The following RAB18 variants were observed in gnomAD, a reference collection of about 807,000 sequenced individuals.
RAB18 encodes ras-related protein Rab-18.
A neutral mutation model predicts 28.5 loss-of-function variants in RAB18; 10 were observed. The ratio of observed to expected loss-of-function variants is 0.35; its 90% CI spans 0.22 to 0.60. The LOEUF is 0.60. Ranked by LOEUF, RAB18 falls within the 20% of genes least tolerant of loss-of-function variation. RAB18 has a pLI of 0.78. For synonymous variants in RAB18, 93 were observed against 86.9 expected (o/e 1.07, Z -0.39); for missense variants, 188 against 244.2 (o/e 0.77, Z 1.53).
chr10:27,511,119 G>A (rs1487441039), intron 2 of RAB18, among the ~76,000 whole-genome samples: 1 of 152,124 alleles, frequency 6.6e-6, no homozygotes, highest in Non-Finnish European at 1.5e-5. Context: ...GTCCCATATA[G>A]CAAAAGACAA....
chr10:27,509,207 G>A (rs1250121384), intron 1 of RAB18, among the ~76,000 whole-genome samples: 2 of 151,912 alleles, frequency 1.3e-5, no homozygotes, highest in African/African-American at 2.4e-5. Context: ...TTTTTTGTTA[G>A]TATTAACTTT....
chr10:27,530,203 A>G (rs994902464), intron 3 of RAB18, among the ~76,000 whole-genome samples: 3 of 152,028 alleles, frequency 2.0e-5, no homozygotes, highest in African/African-American at 7.2e-5. Context: ...CCTGTTATCA[A>G]AAAGTCTTGG....
chr10:27,515,520 G>C (rs1173953874), intron 2 of RAB18, among the ~76,000 whole-genome samples: 1 of 152,116 alleles, frequency 6.6e-6, no homozygotes, highest in Non-Finnish European at 1.5e-5. Context: ...ACTACAGTTA[G>C]ACAAATTGTG....
At chr10:27,523,344 G>T (rs1589575830) in intron 2 of RAB18, among the ~76,000 whole-genome samples, 1 of 81,746 alleles carries the variant, frequency 1.2e-5, no homozygotes, top group Non-Finnish European at 2.3e-5. Context: ...CATCAAATTT[G>T]AAATTTTTCA....
chr10:27,526,554 T>C (rs1422566891), intron 2 of RAB18, among the ~76,000 whole-genome samples: 2 of 152,234 alleles, frequency 1.3e-5, no homozygotes, highest in Admixed American at 6.5e-5. Context: ...TAGTGAGTTA[T>C]CACCTTAAAT....
chr10:27,541,138 T>C lies in RAB18; in HGVS notation c.*3087T>C, dbSNP rs1835017753. On this transcript the variant is annotated 3_prime_UTR_variant, in exon 7 of 7. Coordinates refer to ENST00000356940, the MANE Select transcript of RAB18 (RefSeq NM_021252.5). ...AATACTTAGGAAGTTATTTTGTCTT[T>C]CCTGTATTTCCCTAGTTAAGTATAG... The C allele has an allele frequency of 2.2e-6, 1 of 453,954 alleles. No homozygotes were observed. The allele number at this position is 453,954 out of a possible 1,614,324, so 28.1% of individuals were successfully genotyped here.
At chr10:27,535,915 C>G (rs888949988) in intron 6 of RAB18, among the ~76,000 whole-genome samples, 4 of 152,054 alleles carry the variant, frequency 2.6e-5, no homozygotes, top group African/African-American at 9.7e-5. Flanking sequence ...AACCCCGTCT[C>G]TACTAAAAAT....
At chr10:27,534,898 G>A (rs1834861807) in intron 6 of RAB18, among the ~76,000 whole-genome samples, 1 of 152,210 alleles carries the variant, frequency 6.6e-6, no homozygotes, top group Non-Finnish European at 1.5e-5. Context: ...ACTTTTACTT[G>A]CTGTATGTCC....
At chr10:27,535,249 T>G (rs1834869924) in intron 6 of RAB18, among the ~76,000 whole-genome samples, 1 of 152,058 alleles carries the variant, frequency 6.6e-6, no homozygotes. Context: ...TAAAACATTA[T>G]GAGATTTTGT....
intron 2 of RAB18, among the ~76,000 whole-genome samples, chr10:27,520,129 G>T (rs1834516757): frequency 6.6e-6 from 1 of 152,098 alleles, no homozygotes; most frequent in Admixed American, 6.5e-5. Flanking sequence ...TGCATTCTGG[G>T]AATAAACTTG....
In RAB18 at chr10:27,504,359, A is replaced by G. The variant is rs1837743286; in HGVS notation, c.-11A>G. 3 of 1,572,108 alleles carry G rather than the reference A, an allele frequency of 1.9e-6. No homozygotes were observed. Among genetic ancestry groups the G allele is most frequent in the African/African-American group, 2.7e-5 (2 of 74,600 alleles). On this transcript the variant is annotated 5_prime_UTR_variant, in exon 1 of 7. Transcript: ENST00000356940. ...GGCGGCCAGCTGGGCTCGGAGCGGAACGGGGTCAGGATGGACGAGGACGTG... is the reference window on the plus strand; with the variant it reads ...GGCGGCCAGCTGGGCTCGGAGCGGAGCGGGGTCAGGATGGACGAGGACGTG...
chr10:27,536,052 A>G (rs564937773), intron 6 of RAB18, among the ~76,000 whole-genome samples: 26 of 150,504 alleles, frequency 1.7e-4, no homozygotes, highest in African/African-American at 5.9e-4. Flanking sequence ...ACTGCACTCC[A>G]GCCTGGGCGA....
chr10:27,510,998 A>G (rs560435178), intron 2 of RAB18, among the ~76,000 whole-genome samples: 4 of 152,206 alleles, frequency 2.6e-5, no homozygotes, highest in Non-Finnish European at 5.9e-5. Context: ...AAATGAGAGT[A>G]GATTGTAGAC....
rs1834323827 is a variant in RAB18, at chr10:27,511,594, A to C, written c.124+1664A>C. ...TTTGAAGAGTAAATAATTATTTTGT[A>C]GAATGTCTCTCAATTTGTGTATGTC... On this transcript the variant is annotated intron_variant, in intron 2 of 6. Transcript: ENST00000356940. 2.6e-5 allele frequency among the ~76,000 whole-genome samples: 4 copies of C among 152,198 alleles called. No homozygotes were observed. The South Asian group carries it at 8.3e-4, about 31-fold the overall frequency.
intron 2 of RAB18, among the ~76,000 whole-genome samples, chr10:27,516,563 G>GAA (rs762591500): frequency 2.5e-5 from 3 of 121,564 alleles, no homozygotes; most frequent in Admixed American, 8.3e-5. Flanking sequence ...ATCTCAAAAA[G>GAA]AAAAAAAAAA....
intron 1 of RAB18, chr10:27,504,959 T>A (rs2138957477): frequency 1.9e-6 from 1 of 532,976 alleles, no homozygotes. Flanking sequence ...TTAATGTCGA[T>A]TCTTTTACTT....
chr10:27,524,244 G>C (rs1834628604), intron 2 of RAB18, among the ~76,000 whole-genome samples: 1 of 152,130 alleles, frequency 6.6e-6, no homozygotes, highest in Non-Finnish European at 1.5e-5. Context: ...TTCATCTTTA[G>C]AAAGTTCTGT....
chr10:27,505,321 C>G, intron 1 of RAB18: 1 of 365,470 alleles, frequency 2.7e-6, no homozygotes, highest in Non-Finnish European at 5.4e-6. Flanking sequence ...CGTCCTGATC[C>G]TTAAACCACA....
In RAB18 at chr10:27,538,876, T is replaced by C. The variant is rs1413167816; in HGVS notation, c.*825T>C. The C allele has an allele frequency of 1.1e-5, 5 of 454,058 alleles. No individual in the cohort carries two copies. The highest frequency in any genetic ancestry group is 7.8e-5 in the South Asian group (5 of 64,476). 28.1% of individuals were successfully genotyped at this position (454,058 alleles called of 1,614,324 possible). On this transcript the variant is annotated 3_prime_UTR_variant, in exon 7 of 7. Transcript: ENST00000356940. ...AACCAACATCTTTTTTCATAAATGTTGGTAGTGTTTGTCCAGGTACCTTAA... is the reference window on the plus strand; with the variant it reads ...AACCAACATCTTTTTTCATAAATGTCGGTAGTGTTTGTCCAGGTACCTTAA...
Sources: allele counts gnomAD v4.1 joint callset (sites outside exome capture counted in the v4.1 genomes callset), GRCh38; gene constraint gnomAD v4.1.1; transcripts MANE v1.5; gene names NCBI Gene and HGNC (gene_info 2026-07-23, HGNC 2026-07-21).